SLC8A1: variants seen among roughly 807,000 people sequenced by gnomAD.
SLC8A1 encodes sodium/calcium exchanger 1.
Under a neutral mutation model 68.3 loss-of-function variants are expected in SLC8A1, and 18 were observed. That is an observed-to-expected ratio of 0.26 (90% CI 0.18 to 0.39). The LOEUF (loss-of-function observed/expected upper bound fraction) is 0.39. Among genes scored for constraint, SLC8A1 ranks in the 10% least tolerant of loss-of-function variants. The pLI is 1.00. For missense variants in SLC8A1, 985 were observed against 1,156.7 expected (o/e 0.85, Z 2.15); for synonymous variants, 475 against 415.5 (o/e 1.14, Z -1.74).
At chr2:40,428,048 G>C (rs760570733) in intron 2 of SLC8A1, among the ~76,000 whole-genome samples, 1 of 152,020 alleles carries the variant, frequency 6.6e-6, no homozygotes, top group Non-Finnish European at 1.5e-5. Flanking sequence ...TCCTTTTTGG[G>C]TTTTCCCAAT....
At chr2:40,234,619 A>G (rs922291817) in intron 2 of SLC8A1, among the ~76,000 whole-genome samples, 2 of 152,228 alleles carry the variant, frequency 1.3e-5, no homozygotes, top group African/African-American at 4.8e-5. Flanking sequence ...TGCCCTGGCC[A>G]GAACTTCCAA....
At chr2:40,502,544 C>G (rs150206285) in intron 1 of SLC8A1, among the ~76,000 whole-genome samples, 2,836 of 152,064 alleles carry the variant, frequency 0.019, 89 homozygotes, top group African/African-American at 0.063. Context: ...TAAACATATA[C>G]TTTATCTCAT....
chr2:40,321,195 A>G (rs1348464250), intron 2 of SLC8A1, among the ~76,000 whole-genome samples: 2 of 152,100 alleles, frequency 1.3e-5, no homozygotes, highest in South Asian at 2.1e-4. Context: ...CAAATCCAAC[A>G]GCTGTATATT....
At chr2:40,248,890 C>A (rs764689264) in intron 2 of SLC8A1, among the ~76,000 whole-genome samples, 2 of 152,154 alleles carry the variant, frequency 1.3e-5, no homozygotes, top group East Asian at 1.9e-4. Context: ...AGTGAAGTAA[C>A]CTTGTGATCA....
chr2:40,302,031 C>CTGTGTGTGTGTGTG (rs374407377), intron 2 of SLC8A1, among the ~76,000 whole-genome samples: 3,819 of 132,240 alleles, frequency 0.029, 83 homozygotes, highest in East Asian at 0.045. Context: ...CCGGGCTAAT[C>CTGTGTGTGTGTGTG]TGTGTGTGTG....
At chr2:40,496,033 G>A (rs1445367133) in intron 1 of SLC8A1, among the ~76,000 whole-genome samples, 1 of 139,768 alleles carries the variant, frequency 7.2e-6, no homozygotes, top group Non-Finnish European at 1.5e-5. Context: ...TCCATTTGAA[G>A]TGTTCTTTGG....
At chr2:40,161,454 GAATACACAAA>G in intron 5 of SLC8A1, among the ~76,000 whole-genome samples, 1 of 152,116 alleles carries the variant, frequency 6.6e-6, no homozygotes, top group Non-Finnish European at 1.5e-5. Flanking sequence ...TTGCAAACAA[GAATACACAAA>G]AATACAAGAA....
At chr2:40,344,198 T>TA (rs2149419224) in intron 2 of SLC8A1, among the ~76,000 whole-genome samples, 1 of 152,258 alleles carries the variant, frequency 6.6e-6, no homozygotes, top group South Asian at 2.1e-4. Flanking sequence ...CTATTTAAAA[T>TA]ATCAAGATGT....
At chr2:40,440,063 T>G (rs1700194170) in intron 1 of SLC8A1, among the ~76,000 whole-genome samples, 1 of 152,008 alleles carries the variant, frequency 6.6e-6, no homozygotes, top group Non-Finnish European at 1.5e-5. Context: ...CCAAAGGGAG[T>G]GTTGGTGACA....
intron 2 of SLC8A1, among the ~76,000 whole-genome samples, chr2:40,277,756 G>A (rs911504790): frequency 8.3e-5 from 10 of 120,996 alleles, no homozygotes; most frequent in Admixed American, 1.8e-4. Flanking sequence ...AGCAATATAC[G>A]TACATATAAA....
intron 1 of SLC8A1, among the ~76,000 whole-genome samples, chr2:40,431,027 G>A (rs990816576): frequency 2.0e-5 from 3 of 152,154 alleles, no homozygotes; most frequent in East Asian, 1.9e-4. Flanking sequence ...GTTTTTAAAA[G>A]CATGTTTTGA....
chr2:40,493,855 T>C (rs1054812426), intron 1 of SLC8A1, among the ~76,000 whole-genome samples: 1 of 151,954 alleles, frequency 6.6e-6, no homozygotes, highest in South Asian at 2.1e-4. Context: ...TCCATCTTTG[T>C]AATGGGTTTT....
chr2:40,447,325 C>T (rs1352393599), intron 1 of SLC8A1, among the ~76,000 whole-genome samples: 1 of 152,046 alleles, frequency 6.6e-6, no homozygotes, highest in African/African-American at 2.4e-5. Context: ...AAGAAAGTAT[C>T]AAATTTGTAT....
intron 2 of SLC8A1, among the ~76,000 whole-genome samples, chr2:40,350,825 T>G (rs1472964098): frequency 6.6e-6 from 1 of 152,056 alleles, no homozygotes; most frequent in Non-Finnish European, 1.5e-5. Flanking sequence ...TAGTAGGCAC[T>G]CTATATAAAT....
chr2:40,439,110 G>C (rs1429426286), intron 1 of SLC8A1, among the ~76,000 whole-genome samples: 1 of 152,048 alleles, frequency 6.6e-6, no homozygotes, highest in Non-Finnish European at 1.5e-5. Context: ...GGGGACTAGA[G>C]GGCAGAGGAG....
At chr2:40,141,789 G>A (rs917456961) in intron 6 of SLC8A1, among the ~76,000 whole-genome samples, 1 of 152,150 alleles carries the variant, frequency 6.6e-6, no homozygotes, top group Non-Finnish European at 1.5e-5. Flanking sequence ...TGAAAACAGA[G>A]CCATTAGGGT....
intron 2 of SLC8A1, among the ~76,000 whole-genome samples, chr2:40,344,638 T>A (rs1361420166): frequency 6.6e-6 from 1 of 152,138 alleles, no homozygotes; most frequent in Non-Finnish European, 1.5e-5. Context: ...TGAAGTAATA[T>A]TTAAATGCTG....
chr2:40,456,567 G>T (rs1703036410), upstream of SLC8A1, among the ~76,000 whole-genome samples: 1 of 152,146 alleles, frequency 6.6e-6, no homozygotes, highest in Non-Finnish European at 1.5e-5. Flanking sequence ...CCAGCTGTGT[G>T]ACCTTGGGGA....
intron 1 of SLC8A1, among the ~76,000 whole-genome samples, chr2:40,509,497 A>G (rs1706574665): frequency 1.4e-5 from 2 of 144,928 alleles, no homozygotes; most frequent in African/African-American, 5.2e-5. Context: ...CCCTTGAAAC[A>G]TAATGACCTT....
Sources: allele counts gnomAD v4.1 joint callset (sites outside exome capture counted in the v4.1 genomes callset), GRCh38; gene constraint gnomAD v4.1.1; transcripts MANE v1.5; gene names NCBI Gene and HGNC (gene_info 2026-07-23, HGNC 2026-07-21).